The following NPIPB2 variants were observed in gnomAD, a reference collection of about 807,000 sequenced individuals.
The protein encoded by NPIPB2 is nuclear pore complex-interacting protein family member B2.
NPIPB2 carries 27 observed loss-of-function variants against 30.8 expected under a neutral mutation model. The ratio of observed to expected loss-of-function variants is 0.88; its 90% CI spans 0.65 to 1.21. NPIPB2 has a LOEUF of 1.21. Ranked by LOEUF, NPIPB2 falls within the 50% of genes most tolerant of loss-of-function variation. The probability of loss-of-function intolerance (pLI) is 0.00; values close to 1 mark genes in which losing one functional copy is unlikely to be tolerated. For synonymous variants in NPIPB2, 147 were observed against 162.0 expected (o/e 0.91, Z 0.70); for missense variants, 440 against 446.2 (o/e 0.99, Z 0.13).
intron 1 of NPIPB2, chr16:11,965,386 G>A (rs756893990): frequency 5.6e-6 from 9 of 1,614,162 alleles, no homozygotes; most frequent in Non-Finnish European, 5.9e-6. Context: ...TTGCATGCTT[G>A]CATACCTTGT....
chr16:11,951,282 C>T (rs2055058889), intron 1 of NPIPB2, among the ~76,000 whole-genome samples: 1 of 150,800 alleles, frequency 6.6e-6, no homozygotes, highest in African/African-American at 2.4e-5. Context: ...CGGTGAAACC[C>T]CGTCTCTACT....
rs747232191 is a variant in NPIPB2 at position 11,933,972 on chromosome 16, C to T, written c.193-48G>A. 4.8e-5 allele frequency: 69 copies of T among 1,432,238 alleles called. No individual in the cohort carries two copies. The Admixed American group carries it at 6.0e-4, about 12-fold the overall frequency. 88.7% of individuals were successfully genotyped at this position (1,432,238 alleles called of 1,614,324 possible). On this transcript the variant is annotated intron_variant, in intron 2 of 7. Coordinates refer to ENST00000399147, the Ensembl canonical transcript of NPIPB2. Reference sequence around the variant, plus strand: ...TGACGGCTGGGCACGGTGGTTCATGCGTATAATCCCAGTACTTTGGGAGGC... The same window carrying T: ...TGACGGCTGGGCACGGTGGTTCATGTGTATAATCCCAGTACTTTGGGAGGC...
At chr16:11,930,392 A>G (rs2054775152) in intron 5 of NPIPB2, 58 bp downstream of exon 5, 1 of 1,461,276 alleles carries the variant, frequency 6.8e-7, no homozygotes, top group Non-Finnish European at 9.2e-7. Flanking sequence ...TACAAAGGTT[A>G]AAAACAACAC....
intron 1 of NPIPB2, among the ~76,000 whole-genome samples, chr16:11,958,694 T>C (rs1310005884): frequency 2.6e-5 from 4 of 152,104 alleles, no homozygotes; most frequent in Non-Finnish European, 1.5e-5. Context: ...TGAGCTTTGA[T>C]CTCACCACTG....
At chr16:11,967,844 G>GT in intron 1 of NPIPB2, 2 of 1,612,610 alleles carry the variant, frequency 1.2e-6, no homozygotes, top group South Asian at 2.2e-5. Flanking sequence ...TTTCTGCTAG[G>GT]TAATTAACCA....
At chr16:11,965,400 C>T in intron 1 of NPIPB2, 1 of 1,614,154 alleles carries the variant, frequency 6.2e-7, no homozygotes, top group Non-Finnish European at 8.5e-7. Context: ...ACCTTGTCAA[C>T]TTCGATGTTC....
intron 2 of NPIPB2, 90 bp from the exon 3 acceptor site, chr16:11,934,014 C>G: frequency 9.9e-7 from 1 of 1,006,556 alleles, no homozygotes; most frequent in Non-Finnish European, 1.5e-6. Context: ...AGGTGGATCA[C>G]GGGGTCAGGA....
intron 1 of NPIPB2, chr16:11,965,261 T>C: frequency 2.5e-6 from 4 of 1,596,190 alleles, no homozygotes; most frequent in Non-Finnish European, 3.4e-6. Flanking sequence ...GGAATTCTTG[T>C]AGAGATATTA....
chr16:11,932,233 T>G (rs1307838732), intron 4 of NPIPB2, among the ~76,000 whole-genome samples: 2 of 152,114 alleles, frequency 1.3e-5, no homozygotes, highest in Non-Finnish European at 2.9e-5. Context: ...CTCAATTCAT[T>G]GCTAAATATT....
intron 1 of NPIPB2, among the ~76,000 whole-genome samples, chr16:11,971,889 G>GT (rs1468706605): frequency 1.3e-5 from 2 of 152,116 alleles, no homozygotes; most frequent in African/African-American, 4.8e-5. Context: ...GCTCTTGCCT[G>GT]TAATCCCAGC....
At chr16:11,933,481 T>C (rs2150909934) in intron 4 of NPIPB2, 36 bp downstream of exon 4, 1 of 1,596,386 alleles carries the variant, frequency 6.3e-7, no homozygotes, top group East Asian at 2.2e-5. Flanking sequence ...TGGCACATGG[T>C]TCATACAACA....
At chr16:11,969,381 C>T (rs553783796) in intron 1 of NPIPB2, among the ~76,000 whole-genome samples, 1 of 152,056 alleles carries the variant, frequency 6.6e-6, no homozygotes, top group Non-Finnish European at 1.5e-5. Context: ...CTCAGCCACC[C>T]GAGTAGCTGG....
chr16:11,973,419 CCT>C (rs2055248009), intron 1 of NPIPB2, among the ~76,000 whole-genome samples: 1 of 152,098 alleles, frequency 6.6e-6, no homozygotes, highest in South Asian at 2.1e-4. Context: ...GGGAAAACTT[CCT>C]CTTAGTCCTT....
At chr16:11,972,746 C>T (rs887524271) in intron 1 of NPIPB2, among the ~76,000 whole-genome samples, 10 of 151,976 alleles carry the variant, frequency 6.6e-5, no homozygotes, top group African/African-American at 2.4e-4. Context: ...CGCCTGTAAT[C>T]CCAGCTACTT....
intron 1 of NPIPB2, among the ~76,000 whole-genome samples, chr16:11,952,575 T>G (rs1021941179): frequency 1.2e-4 from 18 of 150,042 alleles, no homozygotes; most frequent in African/African-American, 4.4e-4. Flanking sequence ...CTTTTTTTTT[T>G]TTTTTTTGAG....
At chr16:11,966,442 C>T (rs550858998) in intron 1 of NPIPB2, 27 of 1,227,528 alleles carry the variant, frequency 2.2e-5, no homozygotes, top group Non-Finnish European at 2.9e-5. Flanking sequence ...CACTTCGTTA[C>T]AGCCCTTTCG....
chr16:11,960,353 CT>C (rs35099223), intron 1 of NPIPB2, among the ~76,000 whole-genome samples: 32,166 of 125,966 alleles, frequency 0.26, 2,968 homozygotes, highest in East Asian at 0.5. Context: ...GTATGGTTCC[CT>C]TTTTTTTTTT....
At chr16:11,950,422 A>T (rs2055051663) in intron 1 of NPIPB2, among the ~76,000 whole-genome samples, 1 of 152,142 alleles carries the variant, frequency 6.6e-6, no homozygotes, top group Admixed American at 6.6e-5. Flanking sequence ...CTCTTGCTGC[A>T]GCCCCCCAAA....
upstream of NPIPB2, among the ~76,000 whole-genome samples, chr16:11,946,685 G>T (rs1229101457): frequency 6.6e-6 from 1 of 152,140 alleles, no homozygotes; most frequent in Non-Finnish European, 1.5e-5. Context: ...CTCCCACATT[G>T]CCGGTAGGAA....
Sources: gnomAD v4.1 joint callset for allele counts (sites outside exome capture counted in the v4.1 genomes callset) on GRCh38, gnomAD v4.1.1 for gene constraint, MANE v1.5 for transcripts, NCBI Gene and HGNC (gene_info 2026-07-23, HGNC 2026-07-21) for gene names.